Variants in IGF1R observed in about 807,000 individuals in gnomAD.
IGF1R encodes the protein insulin like growth factor 1 receptor, also known as insulin-like growth factor 1 receptor.
Under a neutral mutation model 144.6 loss-of-function variants are expected in IGF1R, and 44 were observed. The observed-to-expected ratio is 0.30, with a 90% CI of 0.24 to 0.39. The LOEUF is 0.39. Ranked by LOEUF, IGF1R falls within the 10% of genes least tolerant of loss-of-function variation. The probability of loss-of-function intolerance (pLI) is 1.00; values close to 1 mark genes in which losing one functional copy is unlikely to be tolerated. For missense variants in IGF1R, 1,355 were observed against 1,833.7 expected (o/e 0.74, Z 4.77); for synonymous variants, 795 against 722.8 (o/e 1.10, Z -1.60).
chr15:98,854,059 T>C (rs2011657056), intron 2 of IGF1R, among the ~76,000 whole-genome samples: 1 of 152,224 alleles, frequency 6.6e-6, no homozygotes, highest in African/African-American at 2.4e-5. Context: ...CGTGGTATTA[T>C]TGGTGGAATA....
chr15:98,688,248 C>G (rs2053380728), intron 1 of IGF1R, among the ~76,000 whole-genome samples: 1 of 151,908 alleles, frequency 6.6e-6, no homozygotes, highest in African/African-American at 2.4e-5. Context: ...GTATAGTTCT[C>G]CCACCACCCC....
intron 2 of IGF1R, among the ~76,000 whole-genome samples, chr15:98,864,004 T>C (rs922700289): frequency 1.4e-4 from 21 of 152,140 alleles, no homozygotes; most frequent in African/African-American, 4.6e-4. Context: ...ATGCCTGTTA[T>C]CCCAGCACTT....
At chr15:98,786,900 T>C (rs1489543454) in intron 2 of IGF1R, among the ~76,000 whole-genome samples, 1 of 152,176 alleles carries the variant, frequency 6.6e-6, no homozygotes, top group Non-Finnish European at 1.5e-5. Flanking sequence ...TCTCAAGTCA[T>C]GGAGAATTGA....
At chr15:98,945,107 C>T (rs1430268534) in intron 19 of IGF1R, among the ~76,000 whole-genome samples, 1 of 152,248 alleles carries the variant, frequency 6.6e-6, no homozygotes, top group Non-Finnish European at 1.5e-5. Context: ...GACAAGGGTG[C>T]CCTCTAGGCA....
chr15:98,837,431 G>A (rs906803414), intron 2 of IGF1R, among the ~76,000 whole-genome samples: 3 of 152,196 alleles, frequency 2.0e-5, no homozygotes, highest in Non-Finnish European at 2.9e-5. Context: ...TAGTAGAGAC[G>A]GGGTTTCACA....
Position 98,825,404 on chromosome 15 carries a change from G to A in IGF1R, c.641-65921G>A, listed in dbSNP as rs936870509. On this transcript the variant is annotated intron_variant, in intron 2 of 20. Coordinates refer to ENST00000650285, the MANE Select transcript of IGF1R (RefSeq NM_000875.5). ...TTAAACCAGGGATCCCCAACCCCTG[G>A]GCCACAGACCAGTCCCGGTCCATGG... Among the ~76,000 whole-genome samples the A allele has an allele frequency of 3.9e-5, 6 of 152,142 alleles. No individual in the cohort carries two copies. The South Asian group carries it at 1.0e-3, about 26-fold the overall frequency.
intron 1 of IGF1R, among the ~76,000 whole-genome samples, chr15:98,699,967 G>T (rs1281350216): frequency 6.6e-6 from 1 of 152,154 alleles, no homozygotes; most frequent in Non-Finnish European, 1.5e-5. Flanking sequence ...TGTGTGAAAT[G>T]GGAATGTATA....
At chr15:98,946,015 CGATGAT>C (rs1192432000) in intron 19 of IGF1R, among the ~76,000 whole-genome samples, 1 of 151,402 alleles carries the variant, frequency 6.6e-6, no homozygotes. Context: ...ATGATGATGA[CGATGAT>C]GACGATGACG....
At chr15:98,809,395 G>C (rs1246870609) in intron 2 of IGF1R, among the ~76,000 whole-genome samples, 3 of 152,326 alleles carry the variant, frequency 2.0e-5, no homozygotes, top group Admixed American at 1.3e-4. Context: ...GTCTGGGAGA[G>C]ACGCCATGGA....
At chr15:98,674,640 T>C (rs929751971) in intron 1 of IGF1R, among the ~76,000 whole-genome samples, 1 of 152,216 alleles carries the variant, frequency 6.6e-6, no homozygotes, top group Admixed American at 6.5e-5. Context: ...ACTACAAGTA[T>C]TATGTGTATT....
chr15:98,648,574 T>C lies in IGF1R; in HGVS notation c.-1008T>C, dbSNP rs1375474864. Among the ~76,000 whole-genome samples the C allele has an allele frequency of 1.5e-5, 2 of 136,562 alleles. No individual in the cohort carries two copies. The highest frequency in any genetic ancestry group is 5.4e-5 in the African/African-American group (2 of 37,174). 89.6% of individuals were successfully genotyped at this position (136,562 alleles called of 152,430 possible). A position where few individuals can be genotyped will look rare whatever the true frequency, so the allele number is the denominator to read the frequency against. On this transcript the variant is annotated 5_prime_UTR_variant, in exon 1 of 21. Transcript: ENST00000650285. The stretch of plus-strand genomic sequence containing the variant: ...AGCGGCGGCGGCGGCGCGGCGAGGC[T>C]GGGGCTCTTGTTTACCAGCATTAAC...
chr15:98,650,471 C>T (rs1441427509), intron 1 of IGF1R, among the ~76,000 whole-genome samples: 2 of 152,236 alleles, frequency 1.3e-5, no homozygotes, highest in Admixed American at 1.3e-4. Context: ...CACTGGGTCC[C>T]CAGTTCAGAG....
At chr15:98,852,301 C>T (rs1335737651) in intron 2 of IGF1R, among the ~76,000 whole-genome samples, 2 of 152,244 alleles carry the variant, frequency 1.3e-5, no homozygotes, top group African/African-American at 4.8e-5. Context: ...GTCTGGCGCG[C>T]GCGCCCCACC....
chr15:98,654,337 A>G (rs1794774670), intron 1 of IGF1R, among the ~76,000 whole-genome samples: 1 of 152,144 alleles, frequency 6.6e-6, no homozygotes, highest in Non-Finnish European at 1.5e-5. Flanking sequence ...CCTTTTTCCA[A>G]AAATTAGGAG....
chr15:98,939,149 T>TG, intron 17 of IGF1R, 52 bp from the exon 18 acceptor site: 3 of 1,502,854 alleles, frequency 2.0e-6, no homozygotes, highest in Non-Finnish European at 2.8e-6. Context: ...GAAATTGGCA[T>TG]GGAAAAAAAA....
At chr15:98,885,728 G>C (rs1255371537) in intron 2 of IGF1R, among the ~76,000 whole-genome samples, 1 of 152,104 alleles carries the variant, frequency 6.6e-6, no homozygotes, top group Non-Finnish European at 1.5e-5. Flanking sequence ...GAAATGATTG[G>C]GGATAAAATT....
chr15:98,840,677 G>GTTTT (rs58919638), intron 2 of IGF1R, among the ~76,000 whole-genome samples: 2 of 131,260 alleles, frequency 1.5e-5, no homozygotes, highest in African/African-American at 2.8e-5. Context: ...TTTTTGTTTT[G>GTTTT]TTTTTTTTTT....
intron 8 of IGF1R, among the ~76,000 whole-genome samples, chr15:98,914,738 A>G (rs1007583535): frequency 6.6e-6 from 1 of 152,206 alleles, no homozygotes; most frequent in African/African-American, 2.4e-5. Flanking sequence ...CACTGTACCA[A>G]TGAGTCAGTT....
At chr15:98,787,301 G>T (rs893302366) in intron 2 of IGF1R, among the ~76,000 whole-genome samples, 1 of 152,158 alleles carries the variant, frequency 6.6e-6, no homozygotes, top group African/African-American at 2.4e-5. Context: ...TATATTAGGG[G>T]CATGGATAGA....
Sources: allele counts gnomAD v4.1 joint callset (sites outside exome capture counted in the v4.1 genomes callset), GRCh38; gene constraint gnomAD v4.1.1; transcripts MANE v1.5; gene names NCBI Gene and HGNC (gene_info 2026-07-23, HGNC 2026-07-21).